CUX1: variants seen among roughly 807,000 people sequenced by gnomAD.
CUX1 encodes cut like homeobox 1, also known as protein CASP.
Under a neutral mutation model 158.8 loss-of-function variants are expected in CUX1, and 31 were observed. That is an observed-to-expected ratio of 0.20 (90% CI 0.15 to 0.26). The LOEUF is 0.26. Among genes scored for constraint, CUX1 ranks in the 10% least tolerant of loss-of-function variants. The pLI is 1.00. For synonymous variants in CUX1, 879 were observed against 862.1 expected (o/e 1.02, Z -0.34); for missense variants, 1,589 against 2,014.6 (o/e 0.79, Z 4.04).
At chr7:101,996,503 G>A (rs904479513) in intron 2 of CUX1, among the ~76,000 whole-genome samples, 1 of 152,072 alleles carries the variant, frequency 6.6e-6, no homozygotes, top group Non-Finnish European at 1.5e-5. Flanking sequence ...CATGGAGGGG[G>A]CCCCGAGCAG....
rs71123016 is a variant in CUX1 at position 102,222,811 on chromosome 7, C to CTTTT, written c.3131-4533_3131-4530dup. Among the ~76,000 whole-genome samples the CTTTT allele has an allele frequency of 4.2e-3, 107 of 25,526 alleles. 34 individuals are homozygous for CTTTT. The highest frequency in any genetic ancestry group is 0.018 in the African/African-American group (102 of 5,800). The allele number at this position is 25,526 out of a possible 152,430, so 16.7% of individuals were successfully genotyped here. ...GGCTGTGTGTCTCGGGGCACCGTATCTTTTTTTTTTTTTTTTTTTTTTTTT... is the reference window on the plus strand; with the variant it reads ...GGCTGTGTGTCTCGGGGCACCGTATCTTTTTTTTTTTTTTTTTTTTTTTTTTTTT... On this transcript the variant is annotated intron_variant, in intron 20 of 23. Coordinates refer to ENST00000292535, the MANE Select transcript of CUX1 (RefSeq NM_181552.4).
intron 1 of CUX1, among the ~76,000 whole-genome samples, chr7:101,849,315 T>C (rs1796028178): frequency 6.6e-6 from 1 of 151,724 alleles, no homozygotes; most frequent in Non-Finnish European, 1.5e-5. Context: ...TTTCTCCTGA[T>C]CCTCTCCCTC....
chr7:102,074,329 G>T (rs1826461240), intron 4 of CUX1, among the ~76,000 whole-genome samples: 1 of 152,178 alleles, frequency 6.6e-6, no homozygotes, highest in South Asian at 2.1e-4. Context: ...ATGCCACACA[G>T]CCCTGCTCCT....
intron 8 of CUX1, among the ~76,000 whole-genome samples, chr7:102,133,569 G>A (rs782251494): frequency 1.4e-5 from 2 of 138,120 alleles, no homozygotes; most frequent in African/African-American, 5.6e-5. Context: ...TCCGCCTCCC[G>A]GGTTCAAGCG....
intron 2 of CUX1, among the ~76,000 whole-genome samples, chr7:101,943,661 A>C (rs753064632): frequency 2.6e-5 from 4 of 151,294 alleles, no homozygotes; most frequent in African/African-American, 9.7e-5. Flanking sequence ...AGTGTCCCCT[A>C]ATAGGATGAG....
intron 2 of CUX1, among the ~76,000 whole-genome samples, chr7:101,977,328 T>C (rs954689644): frequency 6.6e-6 from 1 of 152,194 alleles, no homozygotes; most frequent in Non-Finnish European, 1.5e-5. Context: ...GCTCCAGATA[T>C]TCCCTACATT....
intron 1 of CUX1, among the ~76,000 whole-genome samples, chr7:101,911,150 C>T (rs1269494357): frequency 1.3e-5 from 2 of 152,300 alleles, no homozygotes; most frequent in Non-Finnish European, 2.9e-5. Context: ...GCTTGGCCTG[C>T]CCCTGCAGTG....
rs2132286452 is a variant in CUX1, at chr7:102,221,867, T to C, written c.3131-5500T>C. 1.3e-5 allele frequency among the ~76,000 whole-genome samples: 2 copies of C among 152,268 alleles called. 1 individual carries two copies. Among genetic ancestry groups the C allele is most frequent in the South Asian group, 4.1e-4 (2 of 4,822 alleles). On this transcript the variant is annotated intron_variant, in intron 20 of 23. Transcript: ENST00000292535. Reference sequence around the variant, plus strand: ...CTTTTAAAATATGCAAATTACCCATTTTCAATTGTCCTGGTCCTGCAGGCT... The same window carrying C: ...CTTTTAAAATATGCAAATTACCCATCTTCAATTGTCCTGGTCCTGCAGGCT...
intron 23 of CUX1, among the ~76,000 whole-genome samples, chr7:102,245,085 G>A (rs989133595): frequency 2.0e-5 from 3 of 152,068 alleles, no homozygotes; most frequent in Admixed American, 6.6e-5. Context: ...CTCTGTCGCC[G>A]AGGCTGGAGT....
At chr7:102,099,429 C>T (rs1829553306) in intron 5 of CUX1, among the ~76,000 whole-genome samples, 1 of 151,490 alleles carries the variant, frequency 6.6e-6, no homozygotes, top group African/African-American at 2.4e-5. Context: ...TGCAAATCTG[C>T]ACATTGAGTT....
intron 2 of CUX1, among the ~76,000 whole-genome samples, chr7:101,989,861 C>T (rs531941824): frequency 4.6e-5 from 7 of 152,344 alleles, no homozygotes; most frequent in East Asian, 1.9e-4. Context: ...AGCAGGAACC[C>T]GCCTGATAGA....
chr7:101,905,123 G>T (rs1802612148), intron 1 of CUX1, among the ~76,000 whole-genome samples: 1 of 152,094 alleles, frequency 6.6e-6, no homozygotes, highest in Admixed American at 6.5e-5. Context: ...TGGGTGGGGG[G>T]CTCAGAACCT....
chr7:101,920,489 G>A (rs553010937), intron 2 of CUX1, among the ~76,000 whole-genome samples: 6 of 152,286 alleles, frequency 3.9e-5, no homozygotes, highest in East Asian at 3.9e-4. Flanking sequence ...AAACTCCTGC[G>A]CTCAAGCAGG....
chr7:101,954,501 A>G (rs1366175433), intron 2 of CUX1, among the ~76,000 whole-genome samples: 2 of 152,222 alleles, frequency 1.3e-5, no homozygotes, highest in Non-Finnish European at 2.9e-5. Context: ...ATCCCAAGGA[A>G]AAAAAGTAGA....
chr7:102,215,540 T>G (rs1796968016), intron 20 of CUX1, among the ~76,000 whole-genome samples: 2 of 152,214 alleles, frequency 1.3e-5, no homozygotes. Context: ...AAATTACTTT[T>G]ACTGACTGTC....
At chr7:102,060,643 A>T (rs952096473) in intron 3 of CUX1, among the ~76,000 whole-genome samples, 8 of 150,308 alleles carry the variant, frequency 5.3e-5, no homozygotes, top group Non-Finnish European at 8.9e-5. Context: ...ACACACACAC[A>T]CTTTGCTGCC....
chr7:101,994,058 C>T (rs1815498720), intron 2 of CUX1, among the ~76,000 whole-genome samples: 1 of 152,206 alleles, frequency 6.6e-6, no homozygotes, highest in Non-Finnish European at 1.5e-5. Flanking sequence ...GTAGTGGCCA[C>T]AGTGCCCAGT....
At chr7:102,271,307 C>T (rs530142789) in intron 14 of CUX1, among the ~76,000 whole-genome samples, 19 of 152,310 alleles carry the variant, frequency 1.2e-4, no homozygotes, top group Admixed American at 3.3e-4. Flanking sequence ...CTTGGATGTG[C>T]TCCTGTTTGT....
At chr7:102,189,065 C>G (rs1311469115) in intron 11 of CUX1, among the ~76,000 whole-genome samples, 1 of 152,096 alleles carries the variant, frequency 6.6e-6, no homozygotes, top group Non-Finnish European at 1.5e-5. Context: ...TCCTAAAACC[C>G]CAGCATCCAG....
Sources: allele counts gnomAD v4.1 joint callset (sites outside exome capture counted in the v4.1 genomes callset), GRCh38; gene constraint gnomAD v4.1.1; transcripts MANE v1.5; gene names NCBI Gene and HGNC (gene_info 2026-07-23, HGNC 2026-07-21).